ATP9B: variants seen among roughly 807,000 people sequenced by gnomAD.
The protein encoded by ATP9B is probable phospholipid-transporting ATPase IIB.
In ATP9B, 110 loss-of-function variants were observed where a neutral mutation model predicts 146.1. The ratio of observed to expected loss-of-function variants is 0.75; its 90% CI spans 0.65 to 0.88. ATP9B has a LOEUF of 0.88. Among genes scored for constraint, ATP9B ranks in the 40% least tolerant of loss-of-function variants. ATP9B has a pLI of 0.00. For missense variants in ATP9B, 1,499 were observed against 1,496.4 expected, an observed-to-expected ratio of 1.00 and a Z score of -0.03; for synonymous variants, 604 against 569.7, an observed-to-expected ratio of 1.06 and a Z score of -0.86.
At chr18:79,333,911 G>A (rs1184628738) in intron 17 of ATP9B, among the ~76,000 whole-genome samples, 1 of 152,208 alleles carries the variant, frequency 6.6e-6, no homozygotes, top group Non-Finnish European at 1.5e-5. Flanking sequence ...ATTTGAAAGA[G>A]TTGCTCAAAT....
chr18:79,299,207 C>T lies in ATP9B; in HGVS notation c.1412-4397C>T, dbSNP rs114705305. Among the ~76,000 whole-genome samples the T allele has an allele frequency of 9.9e-3, 1,498 of 151,860 alleles. 19 individuals carry two copies. Among genetic ancestry groups the T allele is most frequent in the African/African-American group, 0.034 (1,409 of 41,392 alleles). ...GGGCCCATCCAGAATGAAGCCGGGA[C>T]TCCTGAGCCTGGCTCTGCATGCCCT... On this transcript the variant is annotated intron_variant, in intron 13 of 29. Coordinates refer to ENST00000426216, the MANE Select transcript of ATP9B (RefSeq NM_198531.5).
chr18:79,134,995 T>C (rs2147297658), intron 5 of ATP9B, among the ~76,000 whole-genome samples: 1 of 152,372 alleles, frequency 6.6e-6, no homozygotes, highest in East Asian at 1.9e-4. Context: ...ACTTAAGATG[T>C]ATACTATGTG....
At chr18:79,117,859 C>T (rs1383315619) in intron 4 of ATP9B, 3 of 152,086 alleles carry the variant, frequency 2.0e-5, no homozygotes, top group Non-Finnish European at 4.4e-5. Flanking sequence ...ATTATAATTC[C>T]TATGTATCTC....
intron 13 of ATP9B, among the ~76,000 whole-genome samples, chr18:79,293,356 G>A (rs1404007626): frequency 6.6e-6 from 1 of 152,034 alleles, no homozygotes; most frequent in African/African-American, 2.4e-5. Context: ...TTAAGAGGTG[G>A]GGCCGTTAAG....
chr18:79,219,314 G>C (rs1368320435), intron 11 of ATP9B, among the ~76,000 whole-genome samples: 1 of 152,114 alleles, frequency 6.6e-6, no homozygotes, highest in Non-Finnish European at 1.5e-5. Context: ...TATTTACCAG[G>C]CAGCCCAGAG....
intron 12 of ATP9B, among the ~76,000 whole-genome samples, chr18:79,271,113 C>T (rs540468205): frequency 5.3e-5 from 8 of 152,236 alleles, no homozygotes; most frequent in South Asian, 4.1e-4. Context: ...CTTACTCTTC[C>T]GAAAACACCA....
At chr18:79,177,127 A>C (rs540492636) in intron 8 of ATP9B, among the ~76,000 whole-genome samples, 76 of 152,226 alleles carry the variant, frequency 5.0e-4, no homozygotes, top group African/African-American at 1.6e-3. Context: ...TTTCTTTGAC[A>C]CTTAGGTTTT....
intron 12 of ATP9B, among the ~76,000 whole-genome samples, chr18:79,255,723 G>A (rs766146822): frequency 1.3e-5 from 2 of 152,126 alleles, no homozygotes; most frequent in African/African-American, 2.4e-5. Context: ...GAATGGGGTC[G>A]AGTCTCTGGT....
At chr18:79,275,522 ACTC>A in intron 12 of ATP9B, among the ~76,000 whole-genome samples, 1 of 152,166 alleles carries the variant, frequency 6.6e-6, no homozygotes, top group East Asian at 1.9e-4. Context: ...CCTGTCAAAC[ACTC>A]CTCTGAACAT....
chr18:79,193,789 A>G (rs2095392252), intron 9 of ATP9B, among the ~76,000 whole-genome samples: 1 of 152,246 alleles, frequency 6.6e-6, no homozygotes, highest in Admixed American at 6.5e-5. Flanking sequence ...CTTATAACTG[A>G]TATTATAAAT....
chr18:79,267,606 A>T (rs2096216028), intron 12 of ATP9B, among the ~76,000 whole-genome samples: 1 of 152,064 alleles, frequency 6.6e-6, no homozygotes, highest in Non-Finnish European at 1.5e-5. Context: ...TTCATCTTTG[A>T]CCCATGCTTA....
At chr18:79,132,043 C>T (rs947726965) in intron 5 of ATP9B, among the ~76,000 whole-genome samples, 3 of 152,184 alleles carry the variant, frequency 2.0e-5, no homozygotes, top group African/African-American at 7.2e-5. Context: ...TAGAGTTGGT[C>T]GCACTGCATT....
intron 9 of ATP9B, among the ~76,000 whole-genome samples, chr18:79,196,008 G>C (rs544190719): frequency 6.6e-6 from 1 of 152,180 alleles, no homozygotes; most frequent in Non-Finnish European, 1.5e-5. Flanking sequence ...ACTCCAAGAC[G>C]TGTAACTGCT....
At chr18:79,346,207 ACACT>A (rs1362166165) in intron 23 of ATP9B, among the ~76,000 whole-genome samples, 2 of 146,468 alleles carry the variant, frequency 1.4e-5, no homozygotes, top group Non-Finnish European at 3.0e-5. Flanking sequence ...CACACAGCAC[ACACT>A]CGGTCAGCGC....
chr18:79,209,427 C>T (rs1409369574), intron 10 of ATP9B: 1 of 152,176 alleles, frequency 6.6e-6, no homozygotes, highest in Admixed American at 6.5e-5. Context: ...AATGTTGTTA[C>T]TGATCCCTAG....
At chr18:79,183,427 C>A (rs886401973) in intron 8 of ATP9B, among the ~76,000 whole-genome samples, 55 of 151,016 alleles carry the variant, frequency 3.6e-4, no homozygotes, top group Non-Finnish European at 7.1e-4. Context: ...TTTAAATTTA[C>A]ATTTGTTTAG....
chr18:79,190,883 C>A (rs181559864), intron 8 of ATP9B, among the ~76,000 whole-genome samples: 1 of 152,134 alleles, frequency 6.6e-6, no homozygotes, highest in African/African-American at 2.4e-5. Context: ...AGATTAAAAA[C>A]AGGATTTGGG....
intron 9 of ATP9B, among the ~76,000 whole-genome samples, chr18:79,203,150 G>A (rs913446820): frequency 6.6e-6 from 1 of 152,098 alleles, no homozygotes. Context: ...TCATACAGGT[G>A]GAAGGCTTAG....
intron 20 of ATP9B, chr18:79,344,048 T>C: frequency 1.7e-6 from 1 of 581,898 alleles, no homozygotes. Context: ...TGCCACAAAT[T>C]TGAAAATGAT....
Sources: allele counts gnomAD v4.1 joint callset (sites outside exome capture counted in the v4.1 genomes callset), GRCh38; gene constraint gnomAD v4.1.1; transcripts MANE v1.5; gene names NCBI Gene and HGNC (gene_info 2026-07-23, HGNC 2026-07-21).